The following MYLK variants were observed in gnomAD, a reference collection of about 807,000 sequenced individuals.
MYLK encodes the protein myosin light chain kinase, smooth muscle.
Under a neutral mutation model 203.4 loss-of-function variants are expected in MYLK, and 106 were observed. The observed-to-expected ratio is 0.52, with a 90% CI of 0.45 to 0.61. The LOEUF (loss-of-function observed/expected upper bound fraction) is 0.61, where lower values mean the gene tolerates loss of function less well. MYLK is among the 20% of genes least tolerant of loss of function. The probability of loss-of-function intolerance (pLI) is 0.00; values close to 1 mark genes in which losing one functional copy is unlikely to be tolerated. For synonymous variants in MYLK, 867 were observed against 959.5 expected, an observed-to-expected ratio of 0.90 and a Z score of 1.78; for missense variants, 2,072 against 2,442.3, an observed-to-expected ratio of 0.85 and a Z score of 3.20.
rs532498354 is a variant in MYLK at position 123,662,552 on chromosome 3, T to C, written c.3985+1553A>G. Reference sequence around the variant, plus strand: ...AATGTCAGAGAATAGAGTTGGGGAATCATAGAATGTCAGAGCTACAAGAGA... The same window carrying C: ...AATGTCAGAGAATAGAGTTGGGGAACCATAGAATGTCAGAGCTACAAGAGA... On this transcript the variant is annotated intron_variant, in intron 23 of 33. Coordinates refer to ENST00000360304, the MANE Select transcript of MYLK (RefSeq NM_053025.4). 1.1e-4 allele frequency among the ~76,000 whole-genome samples: 16 copies of C among 152,214 alleles called. No homozygotes were observed. The South Asian group carries it at 3.1e-3, about 30-fold the overall frequency.
chr3:123,628,995 A>C (rs944074525), intron 30 of MYLK, among the ~76,000 whole-genome samples: 3 of 152,138 alleles, frequency 2.0e-5, no homozygotes, highest in African/African-American at 7.2e-5. Context: ...GATATAAAAA[A>C]ACACTAAGCC....
intron 11 of MYLK, among the ~76,000 whole-genome samples, chr3:123,729,833 T>C (rs2062414561): frequency 6.6e-6 from 1 of 150,768 alleles, no homozygotes; most frequent in African/African-American, 2.4e-5. Context: ...AATGAGCTAT[T>C]ATCACGCCAC....
intron 4 of MYLK, among the ~76,000 whole-genome samples, chr3:123,780,679 A>G (rs1053950503): frequency 6.6e-6 from 1 of 152,212 alleles, no homozygotes; most frequent in Non-Finnish European, 1.5e-5. Flanking sequence ...GCTGCCCAGT[A>G]AACACGTTTG....
At chr3:123,686,544 C>T (rs2060464519) in intron 19 of MYLK, among the ~76,000 whole-genome samples, 2 of 152,226 alleles carry the variant, frequency 1.3e-5, no homozygotes, top group South Asian at 4.1e-4. Context: ...TCCCTCCTTG[C>T]TGGCCTCTCT....
chr3:123,659,908 C>T (rs2059510368), intron 23 of MYLK, among the ~76,000 whole-genome samples: 1 of 152,224 alleles, frequency 6.6e-6, no homozygotes, highest in Admixed American at 6.5e-5. Flanking sequence ...CCAGGATTTT[C>T]TCCTCAGCAA....
chr3:123,679,795 TCCA>T (rs1293804664), intron 20 of MYLK, among the ~76,000 whole-genome samples: 2 of 152,146 alleles, frequency 1.3e-5, no homozygotes, highest in Admixed American at 6.5e-5. Context: ...TTCCAGCTTC[TCCA>T]CCACAAGGTG....
intron 4 of MYLK, among the ~76,000 whole-genome samples, chr3:123,782,658 G>T (rs2064346525): frequency 6.6e-6 from 1 of 152,064 alleles, no homozygotes; most frequent in Admixed American, 6.6e-5. Flanking sequence ...CCCCAATCTG[G>T]TCTCTTTATC....
At chr3:123,706,952 C>T (rs549388873) in intron 16 of MYLK, among the ~76,000 whole-genome samples, 1 of 152,176 alleles carries the variant, frequency 6.6e-6, no homozygotes, top group South Asian at 2.1e-4. Flanking sequence ...GAATTTACCT[C>T]CCCTTGAGTA....
intron 2 of MYLK, among the ~76,000 whole-genome samples, chr3:123,851,237 T>A (rs2030761579): frequency 1.3e-5 from 2 of 152,216 alleles, no homozygotes. Flanking sequence ...GGCTCTTTTT[T>A]GGTTCCATAT....
At chr3:123,699,958 C>T (rs937973162) in intron 18 of MYLK, 62 bp downstream of exon 18, 3 of 1,610,810 alleles carry the variant, frequency 1.9e-6, no homozygotes, top group Non-Finnish European at 2.5e-6. Context: ...ACCAACGCTC[C>T]ATGAGCTAGG....
intron 4 of MYLK, among the ~76,000 whole-genome samples, chr3:123,782,738 C>T (rs139606287): frequency 1.9e-4 from 29 of 152,302 alleles, no homozygotes; most frequent in African/African-American, 6.3e-4. Flanking sequence ...ATTGGAAACA[C>T]GTTAAAACAA....
chr3:123,715,447 T>C (rs1302882167), intron 13 of MYLK, among the ~76,000 whole-genome samples: 1 of 152,220 alleles, frequency 6.6e-6, no homozygotes, highest in South Asian at 2.1e-4. Flanking sequence ...TTCTAGCCAA[T>C]TAGACTTTCC....
chr3:123,639,031 C>G, intron 28 of MYLK: 1 of 985,484 alleles, frequency 1.0e-6, no homozygotes, highest in Non-Finnish European at 1.2e-6. Flanking sequence ...AGCCACTTCT[C>G]AGTTATCTGG....
In MYLK at chr3:123,700,414, C is replaced by T; in HGVS notation, c.3054G>A (p.Gln1018=). Residue 1018 remains glutamine (Q), a synonymous_variant, in exon 18 of 34, where the codon CAG becomes CAA. Transcript: ENST00000360304. ...CCACGGGTTTCAAGGGCCCTGAAGG[C>T]TGTGCATTGCTCAGGGGCTTGGAAC... The part of the protein sequence containing the change: ...VESSKPLSNA[Q]PSGPLKPVGN... The T allele has an allele frequency of 6.2e-7, 1 of 1,613,074 alleles. No individual in the cohort carries two copies. The highest frequency in any genetic ancestry group is 8.5e-7 in the Non-Finnish European group (1 of 1,179,640).
rs56097894 is a variant in MYLK, at chr3:123,830,903, T to C, written c.-4+645A>G. On this transcript the variant is annotated intron_variant, in intron 3 of 33. Coordinates refer to ENST00000360304, the MANE Select transcript of MYLK (RefSeq NM_053025.4). The stretch of plus-strand genomic sequence containing the variant: ...TTGGAATATTATTTAGAATATTTAC[T>C]ATTGTACAGCTGCCCAAAGAAGGCA... 5.3e-3 allele frequency among the ~76,000 whole-genome samples: 804 copies of C among 152,356 alleles called. 7 individuals carry two copies. The highest frequency in any genetic ancestry group is 0.024 in the Middle Eastern group (7 of 294).
chr3:123,660,089 A>G (rs1407633740), intron 23 of MYLK, among the ~76,000 whole-genome samples: 1 of 152,148 alleles, frequency 6.6e-6, no homozygotes, highest in Admixed American at 6.5e-5. Flanking sequence ...GGGCCCCCAC[A>G]TGTCATCTAC....
chr3:123,746,315 GT>G (rs905952003), intron 5 of MYLK, among the ~76,000 whole-genome samples: 1,496 of 28,310 alleles, frequency 0.053, 32 homozygotes, highest in African/African-American at 0.057. Context: ...CTAGCACAAA[GT>G]TCAATAAAAT....
chr3:123,657,356 T>C lies in MYLK; in HGVS notation c.4058A>G (p.Tyr1353Cys), dbSNP rs770044054. The change falls in exon 24 of 34, where the codon TAT (tyrosine) becomes TGT (cysteine). Residue 1353 changes from tyrosine to cysteine, a missense_variant. Coordinates refer to ENST00000360304, the MANE Select transcript of MYLK (RefSeq NM_053025.4). ...IRSSSLTLSWYGSSYDGGSAV... is the reference protein window; with the variant it reads ...IRSSSLTLSWCGSSYDGGSAV... ...ACTGCCCCCATCATATGAGGAGCCA[T>C]ACCAGGACAGGGTCAGTGAGGAGCT... 1 of 1,614,086 alleles carries C rather than the reference T, an allele frequency of 6.2e-7. No individual in the cohort carries two copies. The highest frequency in any genetic ancestry group is 1.1e-5 in the South Asian group (1 of 91,082).
At chr3:123,652,602 C>T (rs1257140496) in intron 24 of MYLK, among the ~76,000 whole-genome samples, 3 of 152,234 alleles carry the variant, frequency 2.0e-5, no homozygotes, top group African/African-American at 7.2e-5. Flanking sequence ...GGGAGCGGTA[C>T]AGGCTTTATA....
Sources: gnomAD v4.1 joint callset for allele counts (sites outside exome capture counted in the v4.1 genomes callset) on GRCh38, gnomAD v4.1.1 for gene constraint, MANE v1.5 for transcripts, NCBI Gene and HGNC (gene_info 2026-07-23, HGNC 2026-07-21) for gene names.